Variants in PEX5L observed in about 807,000 individuals in gnomAD.
PEX5L encodes peroxisomal biogenesis factor 5 like, also known as PEX5-related protein.
A neutral mutation model predicts 84.0 loss-of-function variants in PEX5L; 30 were observed. The observed-to-expected ratio is 0.36, with a 90% confidence interval of 0.27 to 0.48. The LOEUF (loss-of-function observed/expected upper bound fraction) is 0.48. PEX5L is among the 20% of genes least tolerant of loss of function. PEX5L has a pLI of 0.99. For synonymous variants in PEX5L, 270 were observed against 283.1 expected, an observed-to-expected ratio of 0.95 and a Z score of 0.46; for missense variants, 533 against 754.6, an observed-to-expected ratio of 0.71 and a Z score of 3.44.
chr3:179,999,849 G>A (rs1345823935), intron 1 of PEX5L, among the ~76,000 whole-genome samples: 2 of 152,102 alleles, frequency 1.3e-5, no homozygotes, highest in African/African-American at 4.8e-5. Flanking sequence ...TGAAGCAGCC[G>A]GATTGACAGA....
chr3:180,025,267 G>A (rs1790844898), intron 1 of PEX5L, among the ~76,000 whole-genome samples: 1 of 152,148 alleles, frequency 6.6e-6, no homozygotes, highest in Non-Finnish European at 1.5e-5. Context: ...GCACTTTGGA[G>A]TCCTTACTCA....
In PEX5L at chr3:180,005,668, G is replaced by A. The variant is rs556441752; in HGVS notation, c.21+30911C>T. Among the ~76,000 whole-genome samples the A allele has an allele frequency of 2.0e-5, 3 of 152,190 alleles. 1 individual carries two copies. In the South Asian group the frequency reaches 6.2e-4, roughly 32 times the overall value. ...GGTGTGAACACGGGAGGTGGAGCTT[G>A]CAGTGAGCAGAGATAGCGCCACTGC... On this transcript the variant is annotated intron_variant, in intron 1 of 14. Coordinates refer to ENST00000467460, the MANE Select transcript of PEX5L (RefSeq NM_016559.3).
chr3:180,024,373 T>TATATATAC (rs1396023654), intron 1 of PEX5L, among the ~76,000 whole-genome samples: 54 of 78,982 alleles, frequency 6.8e-4, no homozygotes, highest in African/African-American at 4.1e-3. Context: ...TATATATATA[T>TATATATAC]ACACACACAA....
At chr3:179,971,709 T>C (rs1438709984) in intron 1 of PEX5L, 44 bp from the exon 2 acceptor site, 2 of 1,504,370 alleles carry the variant, frequency 1.3e-6, no homozygotes, top group African/African-American at 1.4e-5. Flanking sequence ...TTTCTATCCA[T>C]TAACAATCTT....
At chr3:179,835,782 C>T (rs1734722317) in intron 8 of PEX5L, among the ~76,000 whole-genome samples, 1 of 151,896 alleles carries the variant, frequency 6.6e-6, no homozygotes, top group Admixed American at 6.6e-5. Context: ...TCCAGATGGC[C>T]CGGAATGGGA....
intron 8 of PEX5L, among the ~76,000 whole-genome samples, chr3:179,821,118 G>A (rs1018860464): frequency 7.2e-5 from 11 of 152,250 alleles, no homozygotes; most frequent in African/African-American, 2.4e-4. Context: ...GGCGGCGGGT[G>A]GGGGAGACTC....
At chr3:179,979,375 G>T (rs1786101754) in intron 1 of PEX5L, among the ~76,000 whole-genome samples, 1 of 152,184 alleles carries the variant, frequency 6.6e-6, no homozygotes, top group African/African-American at 2.4e-5. Flanking sequence ...ATCATAGGAT[G>T]CAGTGACCAA....
intron 8 of PEX5L, among the ~76,000 whole-genome samples, chr3:179,825,046 G>A (rs1381938885): frequency 6.6e-6 from 1 of 152,254 alleles, no homozygotes; most frequent in Non-Finnish European, 1.5e-5. Flanking sequence ...GTCAGAATTA[G>A]TTTGAGCTCT....
At chr3:179,880,181 A>C in intron 4 of PEX5L, 58 bp from the exon 5 acceptor site, 1 of 1,121,320 alleles carries the variant, frequency 8.9e-7, no homozygotes, top group Non-Finnish European at 1.3e-6. Flanking sequence ...ATTATTTAAA[A>C]TAGGTTTCAG....
chr3:179,866,678 A>G (rs926476107), intron 7 of PEX5L, among the ~76,000 whole-genome samples: 3 of 152,104 alleles, frequency 2.0e-5, no homozygotes, highest in Non-Finnish European at 4.4e-5. Context: ...CACTTTCCTC[A>G]TTGAAATACC....
chr3:180,021,506 T>C (rs1561074139), intron 1 of PEX5L, among the ~76,000 whole-genome samples: 1 of 152,188 alleles, frequency 6.6e-6, no homozygotes, highest in Non-Finnish European at 1.5e-5. Context: ...ATTCTAAAGA[T>C]GATTGCACTT....
intron 1 of PEX5L, among the ~76,000 whole-genome samples, chr3:180,001,920 A>G (rs1788456832): frequency 6.6e-6 from 1 of 152,178 alleles, no homozygotes; most frequent in South Asian, 2.1e-4. Flanking sequence ...ATTTGTAGGT[A>G]AATATATTTA....
At chr3:180,032,940 C>T (rs1241373976) in intron 1 of PEX5L, among the ~76,000 whole-genome samples, 1 of 152,142 alleles carries the variant, frequency 6.6e-6, no homozygotes, top group East Asian at 1.9e-4. Context: ...ATCTGCTTTA[C>T]AGTTTTGCTG....
In PEX5L at chr3:179,801,349, C is replaced by T. The variant is rs184396208; in HGVS notation, c.*479G>A. On this transcript the variant is annotated 3_prime_UTR_variant, in exon 15 of 15. Coordinates refer to ENST00000467460, the MANE Select transcript of PEX5L (RefSeq NM_016559.3). The stretch of plus-strand genomic sequence containing the variant: ...TTTAAGCAATGTCTGTCTTTAGTCA[C>T]AAGTTAATATATGTGCATGCACCAA... 2.3e-3 allele frequency: 358 copies of T among 156,940 alleles called. 2 individuals carry two copies. The highest frequency in any genetic ancestry group is 1.1e-3 in the Non-Finnish European group (74 of 70,418). 9.7% of individuals were successfully genotyped at this position (156,940 alleles called of 1,614,324 possible).
chr3:179,819,872 C>T lies in PEX5L; in HGVS notation c.927G>A (p.Ser309=), dbSNP rs775568529. 7.2e-5 allele frequency: 116 copies of T among 1,613,768 alleles called. No individual in the cohort carries two copies. The highest frequency in any genetic ancestry group is 3.0e-4 in the South Asian group (27 of 91,054). Residue 309 remains serine (S), a synonymous_variant, in exon 9 of 15, where the codon TCG becomes TCA. Transcript: ENST00000467460. Reference sequence around the variant, plus strand: ...CAGAATTGGTTACCTTCTCACTAGCCGAGATGGTTACTTGGTTCTGGGCTT... The same window carrying T: ...CAGAATTGGTTACCTTCTCACTAGCTGAGATGGTTACTTGGTTCTGGGCTT... ...NQEAQNQVTI[S]ASEKGYYFHT... is the part of the protein sequence containing the mutation.
At chr3:179,963,286 C>G (rs1203831502) in intron 2 of PEX5L, among the ~76,000 whole-genome samples, 1 of 152,150 alleles carries the variant, frequency 6.6e-6, no homozygotes, top group Non-Finnish European at 1.5e-5. Context: ...AAACACAGTC[C>G]TGCATAGGTA....
chr3:179,992,866 G>GT (rs1787506286), intron 1 of PEX5L, among the ~76,000 whole-genome samples: 1 of 149,864 alleles, frequency 6.7e-6, no homozygotes, highest in African/African-American at 2.5e-5. Flanking sequence ...TTCTTTGCAT[G>GT]TATGTATGTA....
At chr3:179,874,726 GTTTTTTTTTTTGTTTTTTTTTTTTT>G (rs1751635045) in intron 6 of PEX5L, among the ~76,000 whole-genome samples, 2 of 45,200 alleles carry the variant, frequency 4.4e-5, no homozygotes, top group Non-Finnish European at 8.6e-5. Flanking sequence ...AAAAATTATG[GTTTTTTTTTTTGTTTTTTTTTTTTT>G]TTTTTTTTTT....
At chr3:179,948,242 G>A (rs911823570) in intron 2 of PEX5L, among the ~76,000 whole-genome samples, 3 of 152,136 alleles carry the variant, frequency 2.0e-5, no homozygotes, top group African/African-American at 7.2e-5. Flanking sequence ...TTGCATTTGA[G>A]GCAGATATCC....
Sources: gnomAD v4.1 joint callset for allele counts (sites outside exome capture counted in the v4.1 genomes callset) on GRCh38, gnomAD v4.1.1 for gene constraint, MANE v1.5 for transcripts, NCBI Gene and HGNC (gene_info 2026-07-23, HGNC 2026-07-21) for gene names.